Variants in PRKCA observed in about 807,000 individuals in gnomAD.
PRKCA encodes the protein protein kinase C alpha.
Under a neutral mutation model 87.0 loss-of-function variants are expected in PRKCA, and 27 were observed. The ratio of observed to expected loss-of-function variants is 0.31; its 90% confidence interval spans 0.23 to 0.43. The LOEUF is 0.43. Ranked by LOEUF, PRKCA falls within the 20% of genes least tolerant of loss-of-function variation. PRKCA has a pLI of 1.00. For synonymous variants in PRKCA, 329 were observed against 311.1 expected (o/e 1.06, Z -0.61); for missense variants, 518 against 852.3 (o/e 0.61, Z 4.88).
At chr17:66,568,691 T>G (rs754074099) in intron 3 of PRKCA, among the ~76,000 whole-genome samples, 1 of 152,190 alleles carries the variant, frequency 6.6e-6, no homozygotes, top group Non-Finnish European at 1.5e-5. Flanking sequence ...TCATTTAATT[T>G]TGAGATGATT....
intron 2 of PRKCA, among the ~76,000 whole-genome samples, chr17:66,490,728 A>G (rs1916209608): frequency 6.6e-6 from 1 of 152,112 alleles, no homozygotes; most frequent in Non-Finnish European, 1.5e-5. Context: ...TTACAGGCAC[A>G]AGCCACTATG....
chr17:66,807,613 C>T lies in PRKCA; in HGVS notation c.*3576C>T, dbSNP rs754559760. 7 of 152,208 alleles carry T rather than the reference C, an allele frequency of 4.6e-5. No individual in the cohort carries two copies. The highest frequency in any genetic ancestry group is 1.9e-4 in the East Asian group (1 of 5,196). 9.4% of individuals were successfully genotyped at this position (152,208 alleles called of 1,614,324 possible). A position where few individuals can be genotyped will look rare whatever the true frequency, so the allele number is the denominator to read the frequency against. On this transcript the variant is annotated 3_prime_UTR_variant, in exon 17 of 17. Coordinates refer to ENST00000413366, the MANE Select transcript of PRKCA (RefSeq NM_002737.3). This position sits in a 1 kb window ranked among gnomAD's most constrained non-coding sequence, Gnocchi z 4.3. ...CCACTGTCTGCCCTTTCTGATGCCACGTATTAGGCTTTCTTACTCAGAATT... is the reference window on the plus strand; with the variant it reads ...CCACTGTCTGCCCTTTCTGATGCCATGTATTAGGCTTTCTTACTCAGAATT...
chr17:66,483,755 C>A (rs1286062199), intron 2 of PRKCA, among the ~76,000 whole-genome samples: 1 of 152,096 alleles, frequency 6.6e-6, no homozygotes, highest in African/African-American at 2.4e-5. Flanking sequence ...CCACCGCACC[C>A]AGCCCAAATT....
chr17:66,761,796 T>C (rs1321944938), intron 13 of PRKCA, among the ~76,000 whole-genome samples: 1 of 152,144 alleles, frequency 6.6e-6, no homozygotes. Context: ...CCATGTGACA[T>C]AGTAAGATCC....
intron 3 of PRKCA, among the ~76,000 whole-genome samples, chr17:66,502,861 A>T (rs1279613632): frequency 6.6e-6 from 1 of 151,316 alleles, no homozygotes; most frequent in Non-Finnish European, 1.5e-5. Flanking sequence ...GGGTTTCACC[A>T]TGTTAGCCAG....
At chr17:66,503,111 G>T (rs188076284) in intron 3 of PRKCA, among the ~76,000 whole-genome samples, 355 of 152,314 alleles carry the variant, frequency 2.3e-3, no homozygotes, top group Middle Eastern at 6.8e-3. Flanking sequence ...GAAAGTAAGG[G>T]GTGGTGGGGG....
chr17:66,504,350 A>G (rs917928447), intron 3 of PRKCA, among the ~76,000 whole-genome samples: 27 of 152,144 alleles, frequency 1.8e-4, no homozygotes, highest in African/African-American at 6.5e-4. Flanking sequence ...GCACTTTGGG[A>G]GGCCGAGGCA....
intron 2 of PRKCA, among the ~76,000 whole-genome samples, chr17:66,384,325 CAGTGGCAAACCTGTTTTATGGAG>C (rs1002871372): frequency 2.6e-5 from 4 of 152,130 alleles, no homozygotes; most frequent in Admixed American, 6.6e-5. Context: ...ATCACTTTTT[CAGTGGCAAACCTGTTTTATGGAG>C]TAGTGATTTG....
intron 2 of PRKCA, among the ~76,000 whole-genome samples, chr17:66,363,484 T>G (rs1908517474): frequency 6.6e-6 from 1 of 152,202 alleles, no homozygotes; most frequent in Non-Finnish European, 1.5e-5. Context: ...CTCCTTTCTT[T>G]CCATAAGTAA....
intron 3 of PRKCA, among the ~76,000 whole-genome samples, chr17:66,606,165 G>A (rs9904160): frequency 0.34 from 52,057 of 151,992 alleles, 9,346 homozygotes; most frequent in African/African-American, 0.4. Context: ...TGAGGTGGGC[G>A]GATCACGAGG....
At chr17:66,398,159 C>T (rs1910796377) in intron 2 of PRKCA, 1 of 152,166 alleles carries the variant, frequency 6.6e-6, no homozygotes, top group East Asian at 1.9e-4. Context: ...ATGGCCAAGG[C>T]TGGGAATTGA....
intron 13 of PRKCA, among the ~76,000 whole-genome samples, chr17:66,755,153 A>G (rs1223171817): frequency 2.0e-5 from 3 of 152,176 alleles, no homozygotes; most frequent in African/African-American, 7.2e-5. Flanking sequence ...GAAGCATTCC[A>G]TGAAGACTTG....
chr17:66,691,042 T>G (rs1972771853), intron 8 of PRKCA, among the ~76,000 whole-genome samples: 1 of 148,772 alleles, frequency 6.7e-6, no homozygotes, highest in Admixed American at 6.7e-5. Flanking sequence ...CACTTGAACC[T>G]GGGCACGAGA....
chr17:66,567,262 G>A (rs532646204), intron 3 of PRKCA, among the ~76,000 whole-genome samples: 1 of 152,298 alleles, frequency 6.6e-6, no homozygotes, highest in South Asian at 2.1e-4. Flanking sequence ...GGAAACAGGT[G>A]CCGAGGTGAC....
chr17:66,801,566 T>A (rs1411292036), intron 16 of PRKCA, among the ~76,000 whole-genome samples: 1 of 152,258 alleles, frequency 6.6e-6, no homozygotes, highest in Non-Finnish European at 1.5e-5. Flanking sequence ...CATGCCCTTA[T>A]TTATTTTTCA....
intron 2 of PRKCA, among the ~76,000 whole-genome samples, chr17:66,409,774 CA>C (rs1253958572): frequency 6.6e-6 from 1 of 152,018 alleles, no homozygotes. Flanking sequence ...CTAAAAAGTA[CA>C]AAAAAATTAG....
At chr17:66,705,543 G>C (rs1973170357) in intron 8 of PRKCA, among the ~76,000 whole-genome samples, 1 of 152,236 alleles carries the variant, frequency 6.6e-6, no homozygotes. Flanking sequence ...TCCTGAAACA[G>C]CATAAAAGCC....
At chr17:66,594,115 G>A (rs1269191498) in intron 3 of PRKCA, among the ~76,000 whole-genome samples, 2 of 152,142 alleles carry the variant, frequency 1.3e-5, no homozygotes, top group Non-Finnish European at 2.9e-5. Context: ...ATCCCACATT[G>A]GTGGTTTCCC....
intron 5 of PRKCA, among the ~76,000 whole-genome samples, chr17:66,648,667 TTTTAA>T (rs1169467433): frequency 1.3e-5 from 2 of 152,306 alleles, no homozygotes; most frequent in African/African-American, 2.4e-5. Flanking sequence ...TCTTTAACAT[TTTTAA>T]TTTAAAGTAA....
Sources: allele counts gnomAD v4.1 joint callset (sites outside exome capture counted in the v4.1 genomes callset), GRCh38; gene constraint gnomAD v4.1.1; non-coding constraint Gnocchi (gnomAD v3.1); transcripts MANE v1.5; gene names NCBI Gene and HGNC (gene_info 2026-07-23, HGNC 2026-07-21).